The following ATIC variants were observed in gnomAD, a reference collection of about 807,000 sequenced individuals.
ATIC encodes bifunctional purine biosynthesis protein ATIC.
Under a neutral mutation model 72.5 loss-of-function variants are expected in ATIC, and 64 were observed. That is an observed-to-expected ratio of 0.88 (90% CI 0.72 to 1.09). The LOEUF (loss-of-function observed/expected upper bound fraction) is 1.09. ATIC is among the 50% of genes least tolerant of loss of function. The pLI, the probability that ATIC is intolerant of heterozygous loss-of-function variation, is 0.00. For missense variants in ATIC, 787 were observed against 732.4 expected, an observed-to-expected ratio of 1.07 and a Z score of -0.86; for synonymous variants, 281 against 267.1, an observed-to-expected ratio of 1.05 and a Z score of -0.51.
At chr2:215,338,254 A>G (rs1385626877) in intron 11 of ATIC, among the ~76,000 whole-genome samples, 3 of 152,224 alleles carry the variant, frequency 2.0e-5, no homozygotes, top group African/African-American at 7.2e-5. Context: ...ATTCCTTCCA[A>G]ATAGCAAAGA....
At chr2:215,359,180 G>A in the ATIC span, among the ~76,000 whole-genome samples, 9 of 152,126 alleles carry the variant, frequency 5.9e-5, no homozygotes, top group African/African-American at 9.7e-5. Flanking sequence ...CACCCTTCCC[G>A]GCCCTTACAC....
downstream of ATIC, among the ~76,000 whole-genome samples, chr2:215,354,511 T>G (rs2053152594): frequency 6.6e-6 from 1 of 152,196 alleles, no homozygotes; most frequent in African/African-American, 2.4e-5. Context: ...TTAGCATTTC[T>G]AAGCAATTCC....
In ATIC at chr2:215,336,059, G is replaced by C; in HGVS notation, c.1033G>C (p.Gly345Arg). The C allele has an allele frequency of 6.2e-7, 1 of 1,612,448 alleles. No individual in the cohort carries two copies. Among genetic ancestry groups the C allele is most frequent in the Middle Eastern group, 1.7e-4 (1 of 6,060 alleles). ...REVSDGIIAP[G>R]YEEEALTILS... ...GGTATCTGATGGTATAATTGCCCCA[G>C]GATATGAAGAAGAAGCCTTGACAAT... The change falls in exon 11 of 16, where the codon GGA becomes CGA. Residue 345 changes from glycine (G) to arginine (R), a missense_variant. Gly to Arg is a moderately radical substitution (Grantham distance 125). Transcript: ENST00000236959.
chr2:215,316,035 C>T (rs1379698945), intron 2 of ATIC, among the ~76,000 whole-genome samples: 2 of 151,782 alleles, frequency 1.3e-5, no homozygotes, highest in Non-Finnish European at 2.9e-5. Context: ...AATTTTATCC[C>T]AGGAAGTTAA....
chr2:215,330,568 A>G (rs1170059048), intron 7 of ATIC, among the ~76,000 whole-genome samples: 1 of 152,136 alleles, frequency 6.6e-6, no homozygotes, highest in African/African-American at 2.4e-5. Context: ...GTGTATTTGG[A>G]AAAATGCACA....
At chr2:215,344,386 G>A (rs1380197777) in intron 12 of ATIC, among the ~76,000 whole-genome samples, 1 of 152,010 alleles carries the variant, frequency 6.6e-6, no homozygotes, top group Non-Finnish European at 1.5e-5. Context: ...ACATTAAATA[G>A]AACTAAGAAA....
At chr2:215,337,028 T>G (rs1189224866) in intron 11 of ATIC, among the ~76,000 whole-genome samples, 2 of 152,100 alleles carry the variant, frequency 1.3e-5, no homozygotes, top group Non-Finnish European at 2.9e-5. Flanking sequence ...TTTTATTCCT[T>G]TCTATGAACT....
At chr2:215,347,602 C>T (rs2106044582) in intron 14 of ATIC, 1 of 491,088 alleles carries the variant, frequency 2.0e-6, no homozygotes, top group Non-Finnish European at 4.0e-6. Flanking sequence ...CAATTGACTA[C>T]CCTCAGTTTT....
intron 2 of ATIC, among the ~76,000 whole-genome samples, chr2:215,314,330 G>A (rs1004015804): frequency 1.3e-5 from 2 of 152,178 alleles, no homozygotes; most frequent in African/African-American, 4.8e-5. Flanking sequence ...TTCAGTTGCA[G>A]TGGTATTTTA....
In ATIC at chr2:215,325,262, T is replaced by C; in HGVS notation, c.312T>C (p.Tyr104=). The C allele has an allele frequency of 6.2e-7, 1 of 1,613,850 alleles. No homozygotes were observed. The highest frequency in any genetic ancestry group is 8.5e-7 in the Non-Finnish European group (1 of 1,179,768). The change falls in exon 5 of 16, where the codon TAT becomes TAC. Residue 104 remains tyrosine (Y), a synonymous_variant. Coordinates refer to ENST00000236959, the MANE Select transcript of ATIC (RefSeq NM_004044.7). ...NLIRVVACNL[Y]PFVKTVASPG... ...ATAGAGTTGTTGCCTGCAATCTCTA[T>C]CCCTTTGTAAAGACAGTGGCTTCTC...
Position 215,336,451 on chromosome 2 carries a change from C to T in ATIC, c.1098+327C>T, listed in dbSNP as rs965933676. On this transcript the variant is annotated intron_variant, in intron 11 of 15. Coordinates refer to ENST00000236959, the MANE Select transcript of ATIC (RefSeq NM_004044.7). ...ATGATGCCTGTGAATAACGACTGCA[C>T]TCCAGCCTTGGCAGTGTAGTAAGAC... 3.7e-4 allele frequency among the ~76,000 whole-genome samples: 57 copies of T among 152,168 alleles called. 3 individuals carry two copies. Among genetic ancestry groups the T allele is most frequent in the African/African-American group, 4.8e-5 (2 of 41,428 alleles).
intron 4 of ATIC, among the ~76,000 whole-genome samples, chr2:215,324,604 A>C (rs1358962931): frequency 6.6e-6 from 1 of 152,164 alleles, no homozygotes; most frequent in African/African-American, 2.4e-5. Context: ...AGTTTTCAGC[A>C]GTTAGGCTTG....
chr2:215,338,468 T>C (rs1261058873), intron 11 of ATIC, among the ~76,000 whole-genome samples: 3 of 152,208 alleles, frequency 2.0e-5, no homozygotes, highest in Non-Finnish European at 4.4e-5. Context: ...ACTGGAATCA[T>C]TGTTTTTTAA....
At chr2:215,324,252 A>G (rs1344485017) in intron 4 of ATIC, among the ~76,000 whole-genome samples, 1 of 152,210 alleles carries the variant, frequency 6.6e-6, no homozygotes, top group Non-Finnish European at 1.5e-5. Flanking sequence ...ACCATCAAGT[A>G]TGATGTTAGC....
At chr2:215,368,499 A>G in the ATIC span, among the ~76,000 whole-genome samples, 1 of 152,240 alleles carries the variant, frequency 6.6e-6, no homozygotes, top group South Asian at 2.1e-4. Flanking sequence ...AAGATTATAT[A>G]AGGCCATGAA....
Position 215,332,458 on chromosome 2 carries a change from G to A in ATIC, c.765G>A (p.Glu255=), listed in dbSNP as rs775211176. The A allele has an allele frequency of 2.5e-6, 4 of 1,614,100 alleles. No individual in the cohort carries two copies. Among genetic ancestry groups the A allele is most frequent in the South Asian group, 1.1e-5 (1 of 91,080 alleles). ...NAWQLVKELK[E]ALGIPAAASF... The stretch of plus-strand genomic sequence containing the variant: ...GGCAGCTGGTGAAGGAACTCAAGGA[G>A]GCTTTAGGTATTCCAGCCGCTGCCT... Residue 255 remains glutamate, a synonymous_variant, in exon 8 of 16, where the codon GAG becomes GAA. Coordinates refer to ENST00000236959, the MANE Select transcript of ATIC (RefSeq NM_004044.7).
intron 3 of ATIC, 96 bp downstream of exon 3, chr2:215,318,329 G>A (rs2052731969): frequency 8.4e-7 from 1 of 1,184,994 alleles, no homozygotes; most frequent in Non-Finnish European, 1.3e-6. Context: ...AAAGGCTCAA[G>A]AGAAATTTAC....
chr2:215,338,811 A>G lies in ATIC; in HGVS notation c.1131A>G (p.Glu377=). The G allele has an allele frequency of 6.2e-7, 1 of 1,613,690 alleles. No homozygotes were observed. Among genetic ancestry groups the G allele is most frequent in the Non-Finnish European group, 8.5e-7 (1 of 1,179,746 alleles). ...AATCTTACAAACCAGATGAAAATGA[A>G]GTTCGAACTCTCTTTGGTCTTCATT... is the stretch of plus-strand genomic sequence containing the variant. ...MDQSYKPDEN[E]VRTLFGLHLS... Residue 377 remains glutamate (E), a synonymous_variant, in exon 12 of 16, where the codon GAA becomes GAG. Coordinates refer to ENST00000236959, the MANE Select transcript of ATIC (RefSeq NM_004044.7).
rs1033916552 is a variant in ATIC at position 215,312,396 on chromosome 2, G to T, written c.20-102G>T. On this transcript the variant is annotated intron_variant, in intron 1 of 15. Coordinates refer to ENST00000236959, the MANE Select transcript of ATIC (RefSeq NM_004044.7). ...CCTGCGAACGCAGGGTCCAGGTGCT[G>T]GCCTTGCGATTCGAGAATCTCCTCC... is the stretch of plus-strand genomic sequence containing the variant. 4 of 1,594,716 alleles carry T rather than the reference G, an allele frequency of 2.5e-6. No homozygotes were observed. The African/African-American group carries it at 5.4e-5, about 21-fold the overall frequency.
Sources: gnomAD v4.1 joint callset for allele counts (sites outside exome capture counted in the v4.1 genomes callset) on GRCh38, gnomAD v4.1.1 for gene constraint, MANE v1.5 for transcripts, NCBI Gene and HGNC (gene_info 2026-07-23, HGNC 2026-07-21) for gene names.